SNAP47: variants seen among roughly 807,000 people sequenced by gnomAD.
SNAP47 encodes the protein synaptosomal-associated protein 47.
In SNAP47, 20 loss-of-function variants were observed where a neutral mutation model predicts 31.4. The observed-to-expected ratio is 0.64, with a 90% CI of 0.45 to 0.93. The LOEUF (loss-of-function observed/expected upper bound fraction) is 0.93, where lower values mean the gene tolerates loss of function less well. Among genes scored for constraint, SNAP47 ranks in the 40% least tolerant of loss-of-function variants. The pLI, the probability that SNAP47 is intolerant of heterozygous loss-of-function variation, is 0.00. For synonymous variants in SNAP47, 194 were observed against 213.4 expected, an observed-to-expected ratio of 0.91 and a Z score of 0.79; for missense variants, 492 against 528.5, an observed-to-expected ratio of 0.93 and a Z score of 0.68.
chr1:227,753,028 C>T (rs1338247451), intron 2 of SNAP47, among the ~76,000 whole-genome samples: 2 of 152,164 alleles, frequency 1.3e-5, no homozygotes, highest in Non-Finnish European at 2.9e-5. Context: ...GTTGAAGGTC[C>T]TGTTTTCCCA....
intron 4 of SNAP47, among the ~76,000 whole-genome samples, chr1:227,778,539 G>T (rs1664287778): frequency 6.6e-6 from 1 of 152,214 alleles, no homozygotes; most frequent in Non-Finnish European, 1.5e-5. Flanking sequence ...CAGGATGTGG[G>T]CACAGGGACA....
At position 227,742,245 on chromosome 1, in the gene SNAP47, TG is replaced by T. The variant is rs1558191300; in HGVS notation, c.-45-5446del. ...CCTTCCTGTGTCCATGTGTTCTCAT[TG>T]TTCAATTAGACGGAATTTCACTCTG... On this transcript the variant is annotated intron_variant, in intron 1 of 4. Transcript: ENST00000617596. Among the ~76,000 whole-genome samples, 9 of 152,184 alleles carry T rather than the reference TG, an allele frequency of 5.9e-5. No individual in the cohort carries two copies. The East Asian group carries it at 1.5e-3, about 26-fold the overall frequency.
chr1:227,758,967 G>A, intron 2 of SNAP47, 28 bp from the exon 3 acceptor site: 2 of 1,554,972 alleles, frequency 1.3e-6, no homozygotes, highest in Non-Finnish European at 1.7e-6. Flanking sequence ...AACTGATCCA[G>A]TTTTCCATGT....
chr1:227,746,527 C>T (rs1486501610), intron 1 of SNAP47: 2 of 152,258 alleles, frequency 1.3e-5, no homozygotes, highest in African/African-American at 2.4e-5. Context: ...GCAGCAGTTA[C>T]ATGAAAGACC....
At position 227,759,447 on chromosome 1, in the gene SNAP47, C is replaced by T. The variant is rs761568282; in HGVS notation, c.950C>T (p.Ser317Phe). 1.2e-6 allele frequency: 2 copies of T among 1,614,094 alleles called. No individual in the cohort carries two copies. Among genetic ancestry groups the T allele is most frequent in the African/African-American group, 1.3e-5 (1 of 74,936 alleles). ...DALVLRSART[S>F]SPAEKSCSVW... ...TTGGTGCTCAGAAGCGCAAGAACCT[C>T]TTCCCCCGCAGAGAAGAGCTGCTCA... The change falls in exon 3 of 5, where the codon TCT becomes TTT. Residue 317 changes from serine (S) to phenylalanine (F), a missense_variant. Ser to Phe is a radical substitution (Grantham distance 155). Transcript: ENST00000617596.
At chr1:227,746,966 A>T (rs1342347321) in intron 1 of SNAP47, 1 of 152,214 alleles carries the variant, frequency 6.6e-6, no homozygotes, top group Non-Finnish European at 1.5e-5. Context: ...TTCCATGAGG[A>T]TTCGTTCAAA....
intron 2 of SNAP47, among the ~76,000 whole-genome samples, chr1:227,758,577 AC>A (rs1662841188): frequency 6.6e-6 from 1 of 152,198 alleles, no homozygotes; most frequent in Non-Finnish European, 1.5e-5. Context: ...TTCAGTTGTC[AC>A]GTGTGCCTGC....
rs1662399112 is a variant in SNAP47, at chr1:227,751,940, A to G, written c.497+3707A>G. Reference sequence around the variant, plus strand: ...TACCGCGCCTGGCTAATTTTTTTGTATTTTTTAGTAGAGATGGGGTTTCAC... The same window carrying G: ...TACCGCGCCTGGCTAATTTTTTTGTGTTTTTTAGTAGAGATGGGGTTTCAC... On this transcript the variant is annotated intron_variant, in intron 2 of 4. Coordinates refer to ENST00000617596, the MANE Select transcript of SNAP47 (RefSeq NM_053052.4). Among the ~76,000 whole-genome samples, 5 of 150,982 alleles carry G rather than the reference A, an allele frequency of 3.3e-5. No homozygotes were observed. The South Asian group carries it at 1.0e-3, about 32-fold the overall frequency.
chr1:227,767,623 G>T (rs981431564), intron 4 of SNAP47, among the ~76,000 whole-genome samples: 5 of 152,038 alleles, frequency 3.3e-5, no homozygotes, highest in African/African-American at 7.3e-5. Flanking sequence ...CATGTACTAT[G>T]CATGTATATG....
chr1:227,739,824 G>A (rs1661471186), intron 1 of SNAP47, among the ~76,000 whole-genome samples: 1 of 152,212 alleles, frequency 6.6e-6, no homozygotes, highest in African/African-American at 2.4e-5. Context: ...CCTCCCTCGA[G>A]GATTCAGCTG....
intron 1 of SNAP47, chr1:227,744,175 C>CTTTTTTTTTTTTTTTT (rs59986903): frequency 7.1e-6 from 1 of 140,776 alleles, no homozygotes; most frequent in African/African-American, 2.6e-5. Context: ...GCAGGGACAG[C>CTTTTTTTTTTTTTTTT]TTTTTTTTTT....
intron 4 of SNAP47, among the ~76,000 whole-genome samples, chr1:227,768,651 C>T (rs138438937): frequency 6.6e-6 from 1 of 152,242 alleles, no homozygotes; most frequent in Admixed American, 6.5e-5. Flanking sequence ...ACACACAGCA[C>T]TGCCTGGTAG....
At chr1:227,750,273 G>A (rs1019479558) in intron 2 of SNAP47, among the ~76,000 whole-genome samples, 7 of 152,236 alleles carry the variant, frequency 4.6e-5, no homozygotes, top group South Asian at 2.1e-4. Flanking sequence ...GGAGCCCCAC[G>A]GACAGTTGCA....
intron 2 of SNAP47, among the ~76,000 whole-genome samples, chr1:227,755,992 C>T (rs1015978274): frequency 1.3e-5 from 2 of 152,216 alleles, no homozygotes; most frequent in African/African-American, 4.8e-5. Flanking sequence ...ATCTGCTTTG[C>T]GTTGTCCTGT....
In SNAP47 at chr1:227,759,003, C is replaced by G. The variant is rs1282753520; in HGVS notation, c.506C>G (p.Thr169Arg). The change falls in exon 3 of 5, where the codon ACA becomes AGA. Residue 169 changes from threonine (T) to arginine (R), a missense_variant. Coordinates refer to ENST00000617596, the MANE Select transcript of SNAP47 (RefSeq NM_053052.4). ...SDLEVADRLL[T>R]ELESPAWWPF... is the part of the protein sequence containing the mutation. Reference sequence around the variant, plus strand: ...TTTGTTTGCTTTTTCAGATTGCTGACAGAACTGGAATCTCCTGCTTGGTGG... The same window carrying G: ...TTTGTTTGCTTTTTCAGATTGCTGAGAGAACTGGAATCTCCTGCTTGGTGG... 6.3e-7 allele frequency: 1 copy of G among 1,578,298 alleles called. No homozygotes were observed. Among genetic ancestry groups the G allele is most frequent in the South Asian group, 1.2e-5 (1 of 85,500 alleles).
chr1:227,780,547 G>A lies in SNAP47; in HGVS notation c.1134G>A (p.Gly378=), dbSNP rs1260117893. The change falls in exon 5 of 5, where the codon GGG becomes GGA. Residue 378 remains glycine, a synonymous_variant. Transcript: ENST00000617596. The part of the protein sequence containing the change: ...ELTQILRRMK[G]LALEAESELE... ...CCCAGATCCTGAGGAGGATGAAGGG[G>A]CTGGCCCTGGAGGCCGAGAGTGAGC... The A allele has an allele frequency of 6.2e-7, 1 of 1,614,086 alleles. No individual in the cohort carries two copies. The highest frequency in any genetic ancestry group is 8.5e-7 in the Non-Finnish European group (1 of 1,180,022).
At chr1:227,771,824 GCCCTTGGGGT>G (rs930192735) in intron 4 of SNAP47, among the ~76,000 whole-genome samples, 14 of 152,266 alleles carry the variant, frequency 9.2e-5, no homozygotes, top group African/African-American at 3.4e-4. Flanking sequence ...GCCAGGCACA[GCCCTTGGGGT>G]CCCAGATGCT....
At chr1:227,767,400 C>T (rs556596458) in intron 4 of SNAP47, among the ~76,000 whole-genome samples, 3 of 152,274 alleles carry the variant, frequency 2.0e-5, no homozygotes, top group South Asian at 2.1e-4. Flanking sequence ...GTATGTTTAC[C>T]GTGCATGTAC....
At chr1:227,774,988 C>T (rs79249144) in intron 4 of SNAP47, among the ~76,000 whole-genome samples, 9,289 of 152,294 alleles carry the variant, frequency 0.061, 413 homozygotes, top group Middle Eastern at 0.095. Flanking sequence ...TCAGCTGGCC[C>T]GGCTGAATCA....
Sources: gnomAD v4.1 joint callset for allele counts (sites outside exome capture counted in the v4.1 genomes callset) on GRCh38, gnomAD v4.1.1 for gene constraint, MANE v1.5 for transcripts, NCBI Gene and HGNC (gene_info 2026-07-23, HGNC 2026-07-21) for gene names.